Variants in RIMS3 observed in about 807,000 individuals in gnomAD.
RIMS3 encodes the protein regulating synaptic membrane exocytosis protein 3.
RIMS3 carries 15 observed loss-of-function variants against 29.2 expected under a neutral mutation model. The ratio of observed to expected loss-of-function variants is 0.51; its 90% CI spans 0.34 to 0.79. The LOEUF (loss-of-function observed/expected upper bound fraction) is 0.79. Among genes scored for constraint, RIMS3 ranks in the 30% least tolerant of loss-of-function variants. The probability of loss-of-function intolerance (pLI) is 0.01; values close to 1 mark genes in which losing one functional copy is unlikely to be tolerated. For missense variants in RIMS3, 342 were observed against 421.4 expected, an observed-to-expected ratio of 0.81 and a Z score of 1.65; for synonymous variants, 161 against 170.1, an observed-to-expected ratio of 0.95 and a Z score of 0.41.
At position 40,654,691 on chromosome 1, in the gene RIMS3, C is replaced by A. The variant is rs542087611; in HGVS notation, c.-206-6849G>T. On this transcript the variant is annotated intron_variant, in intron 1 of 7. Coordinates refer to ENST00000372684, the MANE Select transcript of RIMS3 (RefSeq NM_014747.3). The surrounding 1 kb of genome is among the most constrained non-coding windows in gnomAD (Gnocchi z 5.3). ...CAAACTCGCACGCTGCAGAAAAACTCCCTCGCAGAGAACTGCAGACATATC... is the reference window on the plus strand; with the variant it reads ...CAAACTCGCACGCTGCAGAAAAACTACCTCGCAGAGAACTGCAGACATATC... 6.6e-6 allele frequency among the ~76,000 whole-genome samples: 1 copy of A among 152,148 alleles called. No individual in the cohort carries two copies. Among genetic ancestry groups the A allele is most frequent in the Non-Finnish European group, 1.5e-5 (1 of 67,994 alleles).
At chr1:40,646,231 G>A (rs1646594189) in intron 2 of RIMS3, among the ~76,000 whole-genome samples, 1 of 152,074 alleles carries the variant, frequency 6.6e-6, no homozygotes, top group Non-Finnish European at 1.5e-5. Context: ...TTTCTTCTCC[G>A]GCAGCAGGTC....
upstream of RIMS3, chr1:40,665,687 G>C (rs981514929): frequency 4.6e-5 from 7 of 152,724 alleles, no homozygotes; most frequent in Non-Finnish European, 1.0e-4. Context: ...CAAAGCCCAA[G>C]CTTGGGCCGG....
chr1:40,641,786 C>G lies in RIMS3; in HGVS notation c.140G>C (p.Ser47Thr), dbSNP rs1452653948. 6.2e-7 allele frequency: 1 copy of G among 1,613,188 alleles called. No individual in the cohort carries two copies. Residue 47 changes from serine to threonine, a missense_variant, in exon 3 of 8, where the codon AGC becomes ACC. Transcript: ENST00000372684. ...GGCCACCATCTTGGCACCCAGGCTG[C>G]TCCGCCGCTTCTTGGCGGTGGTGGT... ...AGTTTAKKRRSSLGAKMVAIV... is the reference protein window; with the variant it reads ...AGTTTAKKRRTSLGAKMVAIV...
chr1:40,650,863 CAA>C (rs58578342), intron 1 of RIMS3, among the ~76,000 whole-genome samples: 10 of 64,552 alleles, frequency 1.5e-4, no homozygotes, highest in African/African-American at 5.3e-4. Flanking sequence ...CAGACTCTGT[CAA>C]AAAAAAAAAA....
At chr1:40,642,643 C>A (rs1017931155) in intron 2 of RIMS3, among the ~76,000 whole-genome samples, 4 of 152,126 alleles carry the variant, frequency 2.6e-5, no homozygotes, top group African/African-American at 7.2e-5. Context: ...CATTTTATAT[C>A]CTACTATTTT....
Position 40,623,618 on chromosome 1 carries a change from C to T in RIMS3, c.*2899G>A. On this transcript the variant is annotated 3_prime_UTR_variant, in exon 8 of 8. Transcript: ENST00000372684. The stretch of plus-strand genomic sequence containing the variant: ...GACACTGAACATGGCAGTGAGTTGG[C>T]CCCAGGGTGGGAGACTTCTGGAGGG... 7.5e-6 allele frequency: 3 copies of T among 398,082 alleles called. No homozygotes were observed. Among genetic ancestry groups the T allele is most frequent in the Non-Finnish European group, 1.3e-5 (3 of 225,978 alleles). 24.7% of individuals were successfully genotyped at this position (398,082 alleles called of 1,614,324 possible). A position where few individuals can be genotyped will look rare whatever the true frequency, so the allele number is the denominator to read the frequency against.
rs1239754123 is a variant in RIMS3 at position 40,622,052 on chromosome 1, G to A, written c.*4465C>T. 4 of 152,742 alleles carry A rather than the reference G, an allele frequency of 2.6e-5. No homozygotes were observed. The highest frequency in any genetic ancestry group is 2.0e-4 in the Admixed American group (3 of 15,280). 9.5% of individuals were successfully genotyped at this position (152,742 alleles called of 1,614,324 possible). On this transcript the variant is annotated 3_prime_UTR_variant, in exon 8 of 8. Transcript: ENST00000372684. ...CCATGCTGGGCCCACACAAGCCCAA[G>A]CTCAGGGTTCGGGGGGAGGGGAGGG...
intron 1 of RIMS3, among the ~76,000 whole-genome samples, chr1:40,651,641 T>G (rs1334916011): frequency 6.6e-6 from 1 of 152,200 alleles, no homozygotes; most frequent in African/African-American, 2.4e-5. Flanking sequence ...CTTGTCGTCG[T>G]CTTCACCCTG....
chr1:40,641,714 T>C lies in RIMS3; in HGVS notation c.212A>G (p.Gln71Arg). Residue 71 changes from glutamine (Q) to arginine (R), a missense_variant, in exon 3 of 8, where the codon CAG (glutamine) becomes CGG (arginine). By Grantham distance (43) the Gln-to-Arg change is conservative. Coordinates refer to ENST00000372684, the MANE Select transcript of RIMS3 (RefSeq NM_014747.3). Reference protein sequence around the residue: ...QWSKSTLQLPQPEGATKKLRS... With the variant: ...QWSKSTLQLPRPEGATKKLRS... The stretch of plus-strand genomic sequence containing the variant: ...GATGTCCCATGCCCCCTCACCAGGC[T>C]GCGGAAGCTGGAGTGTGCTCTTGCT... The C allele has an allele frequency of 2.5e-6, 4 of 1,613,854 alleles. No individual in the cohort carries two copies. Among genetic ancestry groups the C allele is most frequent in the Non-Finnish European group, 3.4e-6 (4 of 1,179,770 alleles).
At chr1:40,688,539 A>G in the RIMS3 span, among the ~76,000 whole-genome samples, 1 of 152,260 alleles carries the variant, frequency 6.6e-6, no homozygotes, top group Non-Finnish European at 1.5e-5. Context: ...ATTAGTTACA[A>G]TGAAAAATAC....
intron 4 of RIMS3, among the ~76,000 whole-genome samples, chr1:40,634,413 A>G (rs1225765935): frequency 6.6e-6 from 1 of 152,152 alleles, no homozygotes; most frequent in African/African-American, 2.4e-5. Context: ...GATATCTGAG[A>G]AGGTTAAATA....
At chr1:40,684,725 A>C in the RIMS3 span, among the ~76,000 whole-genome samples, 4 of 152,190 alleles carry the variant, frequency 2.6e-5, no homozygotes, top group South Asian at 8.3e-4. Context: ...TTGTATGGAG[A>C]AATTTTATCT....
At chr1:40,657,173 A>G (rs1014961190) in intron 1 of RIMS3, among the ~76,000 whole-genome samples, 4 of 152,160 alleles carry the variant, frequency 2.6e-5, no homozygotes, top group Non-Finnish European at 5.9e-5. Context: ...AGACGTGTCC[A>G]TAGTCACAGA....
chr1:40,689,406 C>G, the RIMS3 span, among the ~76,000 whole-genome samples: 1 of 152,124 alleles, frequency 6.6e-6, no homozygotes, highest in African/African-American at 2.4e-5. Flanking sequence ...CTCAGCCTCC[C>G]GAGTAGCTGG....
At chr1:40,660,600 G>C (rs1642338604) in intron 1 of RIMS3, among the ~76,000 whole-genome samples, 1 of 151,820 alleles carries the variant, frequency 6.6e-6, no homozygotes, top group Non-Finnish European at 1.5e-5. Context: ...GGCTGGTCTT[G>C]AACTCCTGGG....
At chr1:40,682,398 T>C in the RIMS3 span, among the ~76,000 whole-genome samples, 1 of 152,162 alleles carries the variant, frequency 6.6e-6, no homozygotes, top group African/African-American at 2.4e-5. Flanking sequence ...TGTTCTTTCC[T>C]TGTGGCTTCC....
chr1:40,692,024 T>C, the RIMS3 span: 2 of 205,840 alleles, frequency 9.7e-6, no homozygotes, highest in South Asian at 4.3e-5. Context: ...TGCTCTTGCC[T>C]GGCCCGCTGC....
At chr1:40,657,580 T>C (rs1642289044) in intron 1 of RIMS3, among the ~76,000 whole-genome samples, 1 of 151,824 alleles carries the variant, frequency 6.6e-6, no homozygotes, top group Non-Finnish European at 1.5e-5. Context: ...ACCCTGTCTC[T>C]ACAAAAAAAT....
chr1:40,650,038 T>C (rs965256266), intron 1 of RIMS3, among the ~76,000 whole-genome samples: 1 of 152,108 alleles, frequency 6.6e-6, no homozygotes, highest in African/African-American at 2.4e-5. Context: ...GGGCACCACA[T>C]GGGCCCTAGA....
Sources: allele counts gnomAD v4.1 joint callset (sites outside exome capture counted in the v4.1 genomes callset), GRCh38; gene constraint gnomAD v4.1.1; non-coding constraint Gnocchi (gnomAD v3.1); transcripts MANE v1.5; gene names NCBI Gene and HGNC (gene_info 2026-07-23, HGNC 2026-07-21).